Variants in TMTC4 observed in about 807,000 individuals in gnomAD.
TMTC4 encodes protein O-mannosyl-transferase TMTC4.
In TMTC4, 65 loss-of-function variants were observed where a neutral mutation model predicts 86.0. The observed-to-expected ratio is 0.76, with a 90% CI of 0.62 to 0.93. The LOEUF is 0.93. Ranked by LOEUF, TMTC4 falls within the 40% of genes least tolerant of loss-of-function variation. TMTC4 has a pLI of 0.00. For synonymous variants in TMTC4, 379 were observed against 382.5 expected (o/e 0.99, Z 0.11); for missense variants, 866 against 948.1 (o/e 0.91, Z 1.14).
intron 10 of TMTC4, among the ~76,000 whole-genome samples, chr13:100,636,131 C>T (rs976789171): frequency 6.6e-6 from 1 of 152,062 alleles, no homozygotes; most frequent in Non-Finnish European, 1.5e-5. Flanking sequence ...TATTTTGTAC[C>T]CAGCTACAAC....
At position 100,668,776 on chromosome 13, in the gene TMTC4, C is replaced by G. The variant is rs1330116774; in HGVS notation, c.22G>C (p.Ala8Pro). 2 of 1,614,158 alleles carry G rather than the reference C, an allele frequency of 1.2e-6. No homozygotes were observed. The highest frequency in any genetic ancestry group is 3.3e-5 in the Admixed American group (2 of 60,020). MIPNQHN[A>P]GAGSHQPAVF... ...GCAGGTTGGTGGCTCCCGGCTCCAGCATTATGCTGGTTAGGAATCTGCAGG... is the reference window on the plus strand; with the variant it reads ...GCAGGTTGGTGGCTCCCGGCTCCAGGATTATGCTGGTTAGGAATCTGCAGG... The change falls in exon 3 of 19, where the codon GCT becomes CCT. Residue 8 changes from alanine (A) to proline (P), a missense_variant. Ala to Pro is a conservative substitution (Grantham distance 27). Transcript: ENST00000342624.
At chr13:100,612,293 A>T in intron 17 of TMTC4, 105 bp downstream of exon 17, 1 of 864,796 alleles carries the variant, frequency 1.2e-6, no homozygotes. Flanking sequence ...CACCACTGCC[A>T]CTGTTTTGGC....
intron 17 of TMTC4, among the ~76,000 whole-genome samples, chr13:100,608,526 G>A (rs1265992096): frequency 2.0e-5 from 3 of 152,216 alleles, no homozygotes; most frequent in Non-Finnish European, 4.4e-5. Context: ...GTGTGGGTGG[G>A]TCGGCCTGGC....
intron 15 of TMTC4, among the ~76,000 whole-genome samples, chr13:100,622,540 G>A (rs1473241806): frequency 6.6e-6 from 1 of 152,136 alleles, no homozygotes; most frequent in Non-Finnish European, 1.5e-5. Context: ...CATGAGATCT[G>A]ATGGTTTTAT....
At chr13:100,607,369 T>A (rs988862581) in intron 17 of TMTC4, among the ~76,000 whole-genome samples, 26 of 151,980 alleles carry the variant, frequency 1.7e-4, no homozygotes, top group African/African-American at 6.3e-4. Context: ...ATACAAAAAT[T>A]AGCCGGGTGT....
At chr13:100,606,280 C>T (rs1876577029) in intron 18 of TMTC4, 78 bp downstream of exon 18, 4 of 1,250,860 alleles carry the variant, frequency 3.2e-6, no homozygotes, top group East Asian at 2.4e-5. Flanking sequence ...ACTCTCCCAA[C>T]ATTAATTTTA....
chr13:100,630,684 A>T (rs1033054434), intron 12 of TMTC4, among the ~76,000 whole-genome samples: 14 of 152,174 alleles, frequency 9.2e-5, no homozygotes, highest in African/African-American at 2.7e-4. Flanking sequence ...AGACATCAAC[A>T]CGACGCCCGC....
At chr13:100,632,040 C>CAT (rs1881462763) in intron 12 of TMTC4, among the ~76,000 whole-genome samples, 2 of 71,256 alleles carry the variant, frequency 2.8e-5, no homozygotes, top group African/African-American at 8.7e-5. Flanking sequence ...CACACACACA[C>CAT]ACACACACAC....
intron 17 of TMTC4, among the ~76,000 whole-genome samples, 188 bp downstream of exon 17, chr13:100,612,210 A>G (rs1388145727): frequency 6.6e-6 from 1 of 152,216 alleles, no homozygotes. Context: ...GAGAAAGGAC[A>G]CTGGGTTTGG....
chr13:100,633,712 T>A (rs968092445), intron 12 of TMTC4, among the ~76,000 whole-genome samples: 1 of 152,280 alleles, frequency 6.6e-6, no homozygotes, highest in African/African-American at 2.4e-5. Context: ...TAAAGCCTAC[T>A]ATACACCTAG....
chr13:100,623,674 G>T (rs1212089055), intron 15 of TMTC4, among the ~76,000 whole-genome samples: 2 of 133,692 alleles, frequency 1.5e-5, no homozygotes, highest in African/African-American at 5.4e-5. Flanking sequence ...TTTGCAGAAG[G>T]AGAAGGAGCC....
chr13:100,648,580 T>C (rs1884042185), intron 6 of TMTC4, among the ~76,000 whole-genome samples: 1 of 152,228 alleles, frequency 6.6e-6, no homozygotes, highest in Non-Finnish European at 1.5e-5. Flanking sequence ...TATGTTTGTA[T>C]CCAGCTCTGT....
chr13:100,666,022 AG>A, intron 3 of TMTC4: 1 of 456,712 alleles, frequency 2.2e-6, no homozygotes, highest in Non-Finnish European at 4.4e-6. Flanking sequence ...GCTTCGGCAG[AG>A]GATCTTTTCC....
intron 15 of TMTC4, 111 bp downstream of exon 15, chr13:100,625,424 A>G: frequency 7.0e-7 from 1 of 1,438,526 alleles, no homozygotes; most frequent in Non-Finnish European, 9.6e-7. Flanking sequence ...GAAACATGTG[A>G]AAGAACTTTA....
At chr13:100,674,173 C>CGCCCGGGT (rs1396374956) in intron 1 of TMTC4, 13 of 973,188 alleles carry the variant, frequency 1.3e-5, no homozygotes, top group Admixed American at 6.2e-5. Context: ...TGGCCCCGGG[C>CGCCCGGGT]GCCCGGGCCG....
rs1425848824 is a variant in TMTC4, at chr13:100,604,984, G to A, written c.*10C>T. ...CACACACTCAAACTCAAAACATGAAGGAAACAGGATCAGACAGCTTTCTTT... is the reference window on the plus strand; with the variant it reads ...CACACACTCAAACTCAAAACATGAAAGAAACAGGATCAGACAGCTTTCTTT... On this transcript the variant is annotated 3_prime_UTR_variant, in exon 19 of 19. Transcript: ENST00000342624. 6.2e-7 allele frequency: 1 copy of A among 1,611,258 alleles called. No individual in the cohort carries two copies. The highest frequency in any genetic ancestry group is 8.5e-7 in the Non-Finnish European group (1 of 1,178,894).
chr13:100,614,873 A>C, intron 15 of TMTC4: 1 of 968,828 alleles, frequency 1.0e-6, no homozygotes. Context: ...ATAAAGTATT[A>C]CTTAGAATAG....
intron 3 of TMTC4, among the ~76,000 whole-genome samples, chr13:100,668,135 GC>G (rs1156902498): frequency 6.6e-6 from 1 of 151,960 alleles, no homozygotes; most frequent in Non-Finnish European, 1.5e-5. Flanking sequence ...CAAAGCGGCA[GC>G]CAGCTCCCTG....
chr13:100,627,367 T>C (rs1446292075), intron 12 of TMTC4, among the ~76,000 whole-genome samples: 3 of 152,172 alleles, frequency 2.0e-5, no homozygotes, highest in African/African-American at 7.2e-5. Context: ...ACTGAGGGGC[T>C]TAACACAACA....
Sources: gnomAD v4.1 joint callset for allele counts (sites outside exome capture counted in the v4.1 genomes callset) on GRCh38, gnomAD v4.1.1 for gene constraint, MANE v1.5 for transcripts, NCBI Gene and HGNC (gene_info 2026-07-23, HGNC 2026-07-21) for gene names.